The following DMD variants were observed in gnomAD, a reference collection of about 807,000 sequenced individuals.
The protein encoded by DMD is mutant dystrophin.
In DMD, 63 loss-of-function variants were observed where a neutral mutation model predicts 330.1. The observed-to-expected ratio is 0.19, with a 90% CI of 0.16 to 0.24. The LOEUF (loss-of-function observed/expected upper bound fraction) is 0.24. DMD is among the 10% of genes least tolerant of loss of function. DMD has a pLI of 1.00. For missense variants in DMD, 3,344 were observed against 2,684.1 expected (o/e 1.25, Z -5.43); for synonymous variants, 1,223 against 959.8 (o/e 1.27, Z -5.07).
At chrX:32,825,580 A>G (rs991948205) in intron 4 of DMD, among the ~76,000 whole-genome samples, 1 of 112,380 alleles carries the variant, frequency 8.9e-6, no homozygotes, top group South Asian at 3.7e-4. Context: ...CAATTATCAT[A>G]GTAACATTAT....
chrX:32,639,167 C>G (rs1452514914), intron 11 of DMD, among the ~76,000 whole-genome samples: 2 of 112,036 alleles, frequency 1.8e-5, no homozygotes, highest in Non-Finnish European at 3.8e-5. Flanking sequence ...ACTTGCTGTG[C>G]TTAACTTTGA....
chrX:31,240,481 TTGAG>T (rs773917487), intron 63 of DMD, among the ~76,000 whole-genome samples: 20 of 111,842 alleles, frequency 1.8e-4, no homozygotes, highest in African/African-American at 3.9e-4. Context: ...TTTTTAATGA[TTGAG>T]TATTAAATCT....
intron 33 of DMD, 125 bp downstream of exon 33, chrX:32,386,185 T>A (rs965323734): frequency 1.0e-5 from 7 of 700,226 alleles, no homozygotes; most frequent in African/African-American, 2.1e-5. Context: ...TACGTATACA[T>A]ATACATAGAG....
intron 2 of DMD, among the ~76,000 whole-genome samples, chrX:32,921,442 T>G (rs1389993926): frequency 8.9e-6 from 1 of 112,086 alleles, no homozygotes; most frequent in Non-Finnish European, 1.9e-5. Flanking sequence ...CCAATCATAT[T>G]GGCAAAGATC....
chrX:32,983,620 T>G (rs1294077597), intron 2 of DMD, among the ~76,000 whole-genome samples: 1 of 108,205 alleles, frequency 9.2e-6, no homozygotes, highest in Non-Finnish European at 1.9e-5. Flanking sequence ...TGAATTGTAG[T>G]AATGTCAATA....
At chrX:33,337,061 A>C (rs1405081144) in intron 1 of DMD, among the ~76,000 whole-genome samples, 1 of 111,824 alleles carries the variant, frequency 8.9e-6, no homozygotes, top group Non-Finnish European at 1.9e-5. Flanking sequence ...AAGCAAGCCT[A>C]AACTATAAAC....
At chrX:32,772,820 T>C (rs752565792) in intron 7 of DMD, among the ~76,000 whole-genome samples, 1 of 111,709 alleles carries the variant, frequency 9.0e-6, no homozygotes, top group African/African-American at 3.3e-5. Flanking sequence ...CCAAGCATAA[T>C]TACCCGTGAT....
intron 7 of DMD, among the ~76,000 whole-genome samples, chrX:32,703,079 G>T (rs1042254281): frequency 9.0e-6 from 1 of 111,227 alleles, no homozygotes; most frequent in African/African-American, 3.3e-5. Context: ...TTGCCAGAGT[G>T]GATTCACTTC....
chrX:31,210,067 T>G (rs141787162), intron 64 of DMD, among the ~76,000 whole-genome samples: 2,544 of 111,851 alleles, frequency 0.023, 71 homozygotes, highest in African/African-American at 0.078. Context: ...AGCAGAAATT[T>G]TTAAAGAGAT....
At chrX:32,348,572 A>C in intron 37 of DMD, 44 bp from the exon 38 acceptor site, 1 of 1,102,349 alleles carries the variant, frequency 9.1e-7, no homozygotes, top group Non-Finnish European at 1.2e-6. Flanking sequence ...ATTACTTTTT[A>C]TTAGAAACAT....
chrX:32,960,891 CAT>C (rs1414369652), intron 2 of DMD, among the ~76,000 whole-genome samples: 1 of 51,592 alleles, frequency 1.9e-5, no homozygotes, highest in African/African-American at 7.4e-5. Context: ...AGAAGGTAAA[CAT>C]GATTATTTTA....
chrX:32,491,877 T>C (rs1381588600), intron 19 of DMD, among the ~76,000 whole-genome samples: 2 of 112,180 alleles, frequency 1.8e-5, no homozygotes, highest in Non-Finnish European at 3.8e-5. Context: ...TGTTTTCAGA[T>C]ACATTTTACA....
chrX:31,608,911 A>AAATGGGATT (rs1469851894), intron 55 of DMD, among the ~76,000 whole-genome samples: 2 of 111,874 alleles, frequency 1.8e-5, no homozygotes, highest in East Asian at 5.6e-4. Flanking sequence ...GGTGGAGAAG[A>AAATGGGATT]AATGGGATTA....
chrX:33,270,693 T>C (rs1569559378), intron 1 of DMD, among the ~76,000 whole-genome samples: 2 of 111,831 alleles, frequency 1.8e-5, no homozygotes, highest in Non-Finnish European at 3.8e-5. Flanking sequence ...ATTATCTAAT[T>C]TTATGGTCAA....
intron 7 of DMD, among the ~76,000 whole-genome samples, chrX:32,754,039 A>G (rs1331588146): frequency 9.0e-6 from 1 of 111,278 alleles, no homozygotes; most frequent in Non-Finnish European, 1.9e-5. Flanking sequence ...ATTGAAAATT[A>G]CCCCTTTGCT....
At chrX:32,105,667 C>A (rs973609082) in intron 44 of DMD, among the ~76,000 whole-genome samples, 1 of 111,844 alleles carries the variant, frequency 8.9e-6, no homozygotes, top group Non-Finnish European at 1.9e-5. Flanking sequence ...AACTGTCACA[C>A]AAAGCTCAGT....
At chrX:32,048,171 C>A (rs1416842437) in intron 44 of DMD, among the ~76,000 whole-genome samples, 2 of 99,524 alleles carry the variant, frequency 2.0e-5, no homozygotes, top group African/African-American at 7.4e-5. Flanking sequence ...TCATTTACTC[C>A]TCACAATGAA....
intron 29 of DMD, among the ~76,000 whole-genome samples, chrX:32,431,207 C>G (rs1174803935): frequency 9.0e-6 from 1 of 111,015 alleles, no homozygotes; most frequent in East Asian, 2.8e-4. Flanking sequence ...GCCCTTTTCT[C>G]CACATTCTTG....
chrX:32,610,609 A>T (rs1198826245), intron 12 of DMD, among the ~76,000 whole-genome samples: 1 of 111,230 alleles, frequency 9.0e-6, no homozygotes, highest in Non-Finnish European at 1.9e-5. Flanking sequence ...AGAGCAGGCG[A>T]CCTCTGATCT....
Sources: gnomAD v4.1 joint callset for allele counts (sites outside exome capture counted in the v4.1 genomes callset) on GRCh38, gnomAD v4.1.1 for gene constraint, MANE v1.5 for transcripts, NCBI Gene and HGNC (gene_info 2026-07-23, HGNC 2026-07-21) for gene names.